MYO16: variants seen among roughly 807,000 people sequenced by gnomAD.
MYO16 encodes myosin XVI.
A neutral mutation model predicts 205.3 loss-of-function variants in MYO16; 94 were observed. The ratio of observed to expected loss-of-function variants is 0.46; its 90% CI spans 0.39 to 0.54. The LOEUF is 0.54. Ranked by LOEUF, MYO16 falls within the 20% of genes least tolerant of loss-of-function variation. The probability of loss-of-function intolerance (pLI) is 0.00; values close to 1 mark genes in which losing one functional copy is unlikely to be tolerated. For missense variants in MYO16, 2,315 were observed against 2,387.5 expected (o/e 0.97, Z 0.63); for synonymous variants, 988 against 954.0 (o/e 1.04, Z -0.66).
chr13:109,161,194 C>A (rs1346169763), intron 32 of MYO16, among the ~76,000 whole-genome samples: 5 of 152,314 alleles, frequency 3.3e-5, no homozygotes, highest in Admixed American at 2.6e-4. Context: ...ATTGCAGCTG[C>A]CAGAGTGCAG....
At position 108,974,093 on chromosome 13, in the gene MYO16, C is replaced by T. The variant is rs934129353; in HGVS notation, c.2369+9191C>T. On this transcript the variant is annotated intron_variant, in intron 20 of 34. Transcript: ENST00000457511. Reference sequence around the variant, plus strand: ...AAGTGGATTAAGTTAAATTGGCTTACGTTCTCATTTCCTAATTCTGCACTT... The same window carrying T: ...AAGTGGATTAAGTTAAATTGGCTTATGTTCTCATTTCCTAATTCTGCACTT... Among the ~76,000 whole-genome samples, 5 of 152,150 alleles carry T rather than the reference C, an allele frequency of 3.3e-5. No homozygotes were observed. The South Asian group carries it at 6.2e-4, about 19-fold the overall frequency.
intron 12 of MYO16, among the ~76,000 whole-genome samples, chr13:108,866,570 T>C (rs575194875): frequency 6.6e-6 from 1 of 152,322 alleles, no homozygotes; most frequent in African/African-American, 2.4e-5. Context: ...GAGCCCTTAT[T>C]TGGACACGTG....
Position 108,903,992 on chromosome 13 carries a change from AC to A in MYO16, c.1777+5860del, listed in dbSNP as rs557880133. Among the ~76,000 whole-genome samples, 38 of 152,308 alleles carry A rather than the reference AC, an allele frequency of 2.5e-4. 2 individuals carry two copies. In the East Asian group the frequency reaches 3.9e-3, roughly 15 times the overall value. ...GAAATAGTTGTTACCATTTTATTGG[AC>A]AGGGAGTATCATCATACTAATTTGA... On this transcript the variant is annotated intron_variant, in intron 15 of 34. Coordinates refer to ENST00000457511, the MANE Select transcript of MYO16 (RefSeq NM_001198950.3).
intron 34 of MYO16, among the ~76,000 whole-genome samples, chr13:109,191,436 A>C (rs992821700): frequency 5.9e-5 from 9 of 152,186 alleles, no homozygotes; most frequent in Admixed American, 2.6e-4. Context: ...TATGGAAAAA[A>C]GAAAACGTTC....
intron 16 of MYO16, among the ~76,000 whole-genome samples, chr13:108,955,171 T>G (rs1292161679): frequency 6.6e-6 from 1 of 152,200 alleles, no homozygotes; most frequent in East Asian, 1.9e-4. Context: ...GTTTGTCACC[T>G]TACCTGTGTC....
In MYO16 at chr13:109,055,662, C is replaced by A; in HGVS notation, c.3335+67C>A. On this transcript the variant is annotated intron_variant, in intron 27 of 34. Coordinates refer to ENST00000457511, the MANE Select transcript of MYO16 (RefSeq NM_001198950.3). The surrounding 1 kb of genome is among the most constrained non-coding windows in gnomAD (Gnocchi z 5.0). ...TCAGTGCAGTGTACTGACACTGACA[C>A]TATTGTAGCAAGGGTCTTCTGTTGT... 7.3e-7 allele frequency: 1 copy of A among 1,372,502 alleles called. No homozygotes were observed. The highest frequency in any genetic ancestry group is 1.0e-6 in the Non-Finnish European group (1 of 976,444). The allele number at this position is 1,372,502 out of a possible 1,614,324, so 85.0% of individuals were successfully genotyped here. A position where few individuals can be genotyped will look rare whatever the true frequency, so the allele number is the denominator to read the frequency against.
intron 1 of MYO16, among the ~76,000 whole-genome samples, chr13:108,641,483 A>T (rs1410287870): frequency 6.6e-6 from 1 of 152,062 alleles, no homozygotes; most frequent in Non-Finnish European, 1.5e-5. Context: ...GAGTCGTTGA[A>T]GTGGGCCAGC....
chr13:109,138,201 C>G (rs1876869059), intron 31 of MYO16, among the ~76,000 whole-genome samples: 1 of 152,146 alleles, frequency 6.6e-6, no homozygotes, highest in African/African-American at 2.4e-5. Context: ...AGACTGATGT[C>G]AAAATGTGCA....
At chr13:108,791,178 T>G (rs1353855981) in intron 5 of MYO16, among the ~76,000 whole-genome samples, 1 of 152,240 alleles carries the variant, frequency 6.6e-6, no homozygotes, top group Non-Finnish European at 1.5e-5. Context: ...AAATGTTAGT[T>G]CTAAAATGGC....
intron 27 of MYO16, among the ~76,000 whole-genome samples, chr13:109,063,178 G>A (rs1442985234): frequency 2.6e-5 from 4 of 152,136 alleles, no homozygotes; most frequent in African/African-American, 9.7e-5. Flanking sequence ...ATGGTATCTT[G>A]GCTGTAATAA....
intron 24 of MYO16, among the ~76,000 whole-genome samples, chr13:109,052,091 G>A (rs566585164): frequency 1.3e-5 from 2 of 152,166 alleles, no homozygotes; most frequent in South Asian, 4.2e-4. Context: ...CCTGGTCAAG[G>A]GTAGTGAATG....
chr13:108,928,700 T>TA (rs1157749589), intron 16 of MYO16, among the ~76,000 whole-genome samples: 1 of 152,158 alleles, frequency 6.6e-6, no homozygotes, highest in African/African-American at 2.4e-5. Context: ...AAATAAAAAT[T>TA]CATAGAAAGG....
chr13:109,035,199 A>G (rs1886677950), intron 23 of MYO16, among the ~76,000 whole-genome samples: 1 of 152,078 alleles, frequency 6.6e-6, no homozygotes, highest in African/African-American at 2.4e-5. Context: ...CCACCCTCTT[A>G]GATGAAAGTA....
intron 24 of MYO16, among the ~76,000 whole-genome samples, chr13:109,051,568 G>T (rs761449075): frequency 2.0e-5 from 3 of 151,912 alleles, no homozygotes; most frequent in Non-Finnish European, 4.4e-5. Context: ...ACCCTTAACC[G>T]CCACATACAT....
intron 34 of MYO16, among the ~76,000 whole-genome samples, chr13:109,195,792 G>C (rs1378876664): frequency 6.6e-6 from 1 of 152,062 alleles, no homozygotes; most frequent in Non-Finnish European, 1.5e-5. Flanking sequence ...TCCTTGAAGG[G>C]AAAGACTTAA....
intron 20 of MYO16, among the ~76,000 whole-genome samples, chr13:108,989,458 G>C (rs1179437592): frequency 6.6e-6 from 1 of 152,000 alleles, no homozygotes; most frequent in Non-Finnish European, 1.5e-5. Context: ...TTTCTTTCCA[G>C]GCCTTCTGGA....
intron 16 of MYO16, among the ~76,000 whole-genome samples, chr13:108,917,912 G>C (rs991371101): frequency 6.6e-6 from 1 of 152,200 alleles, no homozygotes; most frequent in Non-Finnish European, 1.5e-5. Flanking sequence ...TTTTCTCTTT[G>C]TCTACTCATG....
At chr13:108,953,440 A>T (rs1285963946) in intron 16 of MYO16, among the ~76,000 whole-genome samples, 1 of 152,212 alleles carries the variant, frequency 6.6e-6, no homozygotes, top group East Asian at 1.9e-4. Context: ...TAGGAGGCAT[A>T]CCACATGCAA....
At chr13:108,549,481 T>C in the MYO16 span, among the ~76,000 whole-genome samples, 1 of 151,988 alleles carries the variant, frequency 6.6e-6, no homozygotes, top group African/African-American at 2.4e-5. Context: ...AAATAATAAA[T>C]CTGTGTTGTC....
Sources: allele counts gnomAD v4.1 joint callset (sites outside exome capture counted in the v4.1 genomes callset), GRCh38; gene constraint gnomAD v4.1.1; non-coding constraint Gnocchi (gnomAD v3.1); transcripts MANE v1.5; gene names NCBI Gene and HGNC (gene_info 2026-07-23, HGNC 2026-07-21).